The following HMGXB4 variants were observed in gnomAD, a reference collection of about 807,000 sequenced individuals.
HMGXB4 encodes HMG domain-containing protein 4.
Under a neutral mutation model 63.9 loss-of-function variants are expected in HMGXB4, and 27 were observed. That is an observed-to-expected ratio of 0.42 (90% CI 0.31 to 0.58). HMGXB4 has a LOEUF of 0.58. Among genes scored for constraint, HMGXB4 ranks in the 20% least tolerant of loss-of-function variants. The pLI is 0.13. For synonymous variants in HMGXB4, 264 were observed against 265.3 expected (o/e 0.99, Z 0.05); for missense variants, 624 against 700.7 (o/e 0.89, Z 1.24).
Position 35,284,018 on chromosome 22 carries a change from C to T in HMGXB4, c.1272C>T (p.Thr424=). ...YQVFCKEYRV[T]IVADHPGIDF... is the part of the protein sequence containing the mutation. The stretch of plus-strand genomic sequence containing the variant: ...TGTTCTGTAAAGAGTATCGCGTGAC[C>T]ATTGTGGCTGACCATCCAGGTATAG... Residue 424 remains threonine, a synonymous_variant, in exon 6 of 11, where the codon ACC becomes ACT. Coordinates refer to ENST00000216106, the MANE Select transcript of HMGXB4 (RefSeq NM_001003681.3). 3.1e-6 allele frequency: 5 copies of T among 1,613,926 alleles called. No individual in the cohort carries two copies. Among genetic ancestry groups the T allele is most frequent in the Non-Finnish European group, 4.2e-6 (5 of 1,179,816 alleles).
chr22:35,241,870 C>T, the HMGXB4 span, among the ~76,000 whole-genome samples: 2 of 152,170 alleles, frequency 1.3e-5, no homozygotes, highest in African/African-American at 4.8e-5. Flanking sequence ...CGACCTGGGG[C>T]TAAAATTCAC....
chr22:35,277,801 C>T (rs1924001638), intron 5 of HMGXB4, among the ~76,000 whole-genome samples: 1 of 152,202 alleles, frequency 6.6e-6, no homozygotes, highest in Non-Finnish European at 1.5e-5. Context: ...TCCACACTGT[C>T]ACCATCCCCC....
intron 6 of HMGXB4, 46 bp downstream of exon 6, chr22:35,284,089 C>A: frequency 1.5e-6 from 2 of 1,312,158 alleles, no homozygotes; most frequent in African/African-American, 1.4e-5. Context: ...CCATTTATAT[C>A]TTGAAGCAGT....
intron 7 of HMGXB4, 27 bp from the exon 8 acceptor site, chr22:35,287,320 A>G (rs1924651954): frequency 6.5e-7 from 1 of 1,535,940 alleles, no homozygotes; most frequent in African/African-American, 1.4e-5. Context: ...TCTTAATTTA[A>G]TTTAATGTTC....
intron 5 of HMGXB4, among the ~76,000 whole-genome samples, chr22:35,268,179 C>T (rs953326566): frequency 6.6e-6 from 1 of 152,228 alleles, no homozygotes; most frequent in African/African-American, 2.4e-5. Flanking sequence ...GATCAAACCT[C>T]TATCAAGATA....
chr22:35,275,089 A>G (rs1363196297), intron 5 of HMGXB4, among the ~76,000 whole-genome samples: 3 of 146,260 alleles, frequency 2.1e-5, no homozygotes, highest in Admixed American at 2.0e-4. Context: ...GCTCGTACGT[A>G]GTATTAACAT....
the HMGXB4 span, among the ~76,000 whole-genome samples, chr22:35,251,849 T>C: frequency 6.6e-6 from 1 of 152,188 alleles, no homozygotes; most frequent in African/African-American, 2.4e-5. Flanking sequence ...AAAGTTTCCA[T>C]GTGTCCTTTT....
chr22:35,275,238 C>T (rs1923843390), intron 5 of HMGXB4, among the ~76,000 whole-genome samples: 1 of 150,826 alleles, frequency 6.6e-6, no homozygotes. Flanking sequence ...TCCTGCCTCA[C>T]CCTCCCAGGT....
chr22:35,293,140 T>G, intron 10 of HMGXB4, 26 bp downstream of exon 10: 1 of 1,613,968 alleles, frequency 6.2e-7, no homozygotes. Context: ...ATTTTTAGAG[T>G]CAGATCCATT....
In HMGXB4 at chr22:35,295,748, T is replaced by TG. The variant is rs1925227010; in HGVS notation, c.*2098dup. ...GGTTTGATCCAAATCCCATTACAGTTGTATAAAGAAATAAAATTTTGTACT... is the reference window on the plus strand; with the variant it reads ...GGTTTGATCCAAATCCCATTACAGTTGGTATAAAGAAATAAAATTTTGTACT... On this transcript the variant is annotated 3_prime_UTR_variant, in exon 11 of 11. Transcript: ENST00000216106. The TG allele has an allele frequency of 3.9e-5, 6 of 152,770 alleles. No homozygotes were observed. In the South Asian group the frequency reaches 1.2e-3, roughly 32 times the overall value. 9.5% of individuals were successfully genotyped at this position (152,770 alleles called of 1,614,324 possible).
chr22:35,261,892 G>A (rs1922883878), intron 1 of HMGXB4: 1 of 154,562 alleles, frequency 6.5e-6, no homozygotes, highest in Non-Finnish European at 1.4e-5. Context: ...CCAGTTGGTA[G>A]GATTTTGTGG....
chr22:35,278,599 T>A (rs1924044929), intron 5 of HMGXB4, among the ~76,000 whole-genome samples: 1 of 152,080 alleles, frequency 6.6e-6, no homozygotes, highest in Non-Finnish European at 1.5e-5. Flanking sequence ...TTAAACCCCT[T>A]CCAAACCACC....
At chr22:35,248,683 G>A in the HMGXB4 span, among the ~76,000 whole-genome samples, 1 of 152,012 alleles carries the variant, frequency 6.6e-6, no homozygotes, top group Non-Finnish European at 1.5e-5. Flanking sequence ...AGGATTACAG[G>A]CACGGGCCAC....
chr22:35,278,117 A>G (rs1490435026), intron 5 of HMGXB4, among the ~76,000 whole-genome samples: 3 of 152,152 alleles, frequency 2.0e-5, no homozygotes, highest in Non-Finnish European at 2.9e-5. Context: ...GCCTTTTCAG[A>G]TTGGTTTCTT....
At chr22:35,284,137 A>C in intron 6 of HMGXB4, 94 bp downstream of exon 6, 1 of 895,574 alleles carries the variant, frequency 1.1e-6, no homozygotes, top group East Asian at 2.5e-5. Flanking sequence ...TAGAGCATAA[A>C]TCTTGTTTCT....
At chr22:35,248,397 G>C in the HMGXB4 span, among the ~76,000 whole-genome samples, 218 of 149,108 alleles carry the variant, frequency 1.5e-3, 1 homozygote, top group African/African-American at 5.1e-3. Flanking sequence ...AGGGGAGGTC[G>C]GGACTTTTTT....
chr22:35,269,804 C>T (rs1169624226), intron 5 of HMGXB4, among the ~76,000 whole-genome samples: 1 of 152,046 alleles, frequency 6.6e-6, no homozygotes, highest in Non-Finnish European at 1.5e-5. Flanking sequence ...TCCAAGAGTT[C>T]AAGGCTGGCC....
the HMGXB4 span, chr22:35,249,919 A>C: frequency 8.1e-5 from 8 of 99,044 alleles, 4 homozygotes; most frequent in Non-Finnish European, 2.3e-4. Flanking sequence ...GAGAGGCAGC[A>C]GTTCTGGAGG....
At chr22:35,276,131 T>C (rs1209962355) in intron 5 of HMGXB4, among the ~76,000 whole-genome samples, 2 of 152,234 alleles carry the variant, frequency 1.3e-5, no homozygotes, top group Non-Finnish European at 2.9e-5. Context: ...ATCTGAACTT[T>C]AGGTCCACAG....
Sources: allele counts gnomAD v4.1 joint callset (sites outside exome capture counted in the v4.1 genomes callset), GRCh38; gene constraint gnomAD v4.1.1; transcripts MANE v1.5; gene names NCBI Gene and HGNC (gene_info 2026-07-23, HGNC 2026-07-21).